The following PDS5B variants were observed in gnomAD, a reference collection of about 807,000 sequenced individuals.
PDS5B encodes the protein sister chromatid cohesion protein PDS5 homolog B.
A neutral mutation model predicts 184.1 loss-of-function variants in PDS5B; 51 were observed. The observed-to-expected ratio is 0.28, with a 90% CI of 0.22 to 0.35. The LOEUF (loss-of-function observed/expected upper bound fraction) is 0.35. PDS5B is among the 10% of genes least tolerant of loss of function. PDS5B has a pLI of 1.00. For synonymous variants in PDS5B, 566 were observed against 569.2 expected, an observed-to-expected ratio of 0.99 and a Z score of 0.08; for missense variants, 1,180 against 1,723.3, an observed-to-expected ratio of 0.68 and a Z score of 5.58.
Position 32,758,646 on chromosome 13 carries a change from C to A in PDS5B, c.3302C>A (p.Pro1101His), listed in dbSNP as rs757880615. Residue 1101 changes from proline to histidine, a missense_variant, in exon 28 of 35, where the codon CCT (proline) becomes CAT (histidine). Transcript: ENST00000315596. ...PVLPARFFTQ[P>H]DKNFSNTKNY... ...CTACCAGCTCGTTTCTTCACTCAAC[C>A]TGACAAGGTAGTTACTTTACAATTT... is the stretch of plus-strand genomic sequence containing the variant. 3 of 1,613,328 alleles carry A rather than the reference C, an allele frequency of 1.9e-6. No individual in the cohort carries two copies. The African/African-American group carries it at 4.0e-5, about 22-fold the overall frequency.
At chr13:32,722,201 C>G (rs1483416179) in intron 19 of PDS5B, among the ~76,000 whole-genome samples, 1 of 152,208 alleles carries the variant, frequency 6.6e-6, no homozygotes, top group African/African-American at 2.4e-5. Context: ...CCAAAAAATA[C>G]AAAAACCAGT....
intron 1 of PDS5B, among the ~76,000 whole-genome samples, chr13:32,635,001 CTTTT>C (rs4057820): frequency 1.2e-4 from 16 of 129,106 alleles, no homozygotes; most frequent in South Asian, 2.4e-4. Context: ...CTTACTGCCT[CTTTT>C]TTTTTTTTTT....
chr13:32,658,678 A>G (rs1950574619), intron 5 of PDS5B, 147 bp downstream of exon 5: 10 of 548,134 alleles, frequency 1.8e-5, no homozygotes, highest in Middle Eastern at 4.8e-4. Context: ...ATGTTTCAAA[A>G]ATGAATAGAG....
At chr13:32,618,937 C>T (rs1327049874) in intron 1 of PDS5B, among the ~76,000 whole-genome samples, 2 of 152,096 alleles carry the variant, frequency 1.3e-5, no homozygotes, top group Non-Finnish European at 2.9e-5. Context: ...ATGTGCAGAA[C>T]GAACTCTCAT....
At chr13:32,644,596 T>C (rs1405661051) in intron 1 of PDS5B, among the ~76,000 whole-genome samples, 1 of 152,162 alleles carries the variant, frequency 6.6e-6, no homozygotes, top group Non-Finnish European at 1.5e-5. Flanking sequence ...AAAAAAGTGA[T>C]GATAGTAGGT....
At chr13:32,741,699 C>CTCTGTGTGTGTG (rs371056675) in intron 22 of PDS5B, among the ~76,000 whole-genome samples, 12 of 139,276 alleles carry the variant, frequency 8.6e-5, no homozygotes, top group Admixed American at 7.2e-4. Context: ...CCCTTTCAGT[C>CTCTGTGTGTGTG]TGTGTGTGTG....
intron 30 of PDS5B, among the ~76,000 whole-genome samples, chr13:32,762,247 A>G (rs980742918): frequency 6.6e-6 from 1 of 152,210 alleles, no homozygotes; most frequent in Non-Finnish European, 1.5e-5. Context: ...AGCATTGTAT[A>G]GGGCTAAACT....
chr13:32,758,418 T>C (rs1954262564), intron 27 of PDS5B, 116 bp from the exon 28 acceptor site: 1 of 1,090,202 alleles, frequency 9.2e-7, no homozygotes, highest in African/African-American at 1.6e-5. Flanking sequence ...TTACACAGAC[T>C]GTTGCTTTCA....
At chr13:32,717,720 T>TA (rs1220035606) in intron 19 of PDS5B, among the ~76,000 whole-genome samples, 1,450 of 126,644 alleles carry the variant, frequency 0.011, 23 homozygotes, top group African/African-American at 0.027. Flanking sequence ...ATCAATAAAT[T>TA]AAAAAAAAAA....
chr13:32,731,170 T>G (rs114277630), intron 19 of PDS5B, among the ~76,000 whole-genome samples: 312 of 152,322 alleles, frequency 2.0e-3, no homozygotes, highest in African/African-American at 7.3e-3. Context: ...AGGAATATAT[T>G]TCTTTTAATG....
intron 1 of PDS5B, among the ~76,000 whole-genome samples, chr13:32,622,835 A>C (rs910980777): frequency 1.3e-5 from 2 of 152,204 alleles, no homozygotes; most frequent in African/African-American, 4.8e-5. Context: ...GGTGCCTGTT[A>C]CAACCCATTG....
chr13:32,736,831 T>C (rs554297628), intron 21 of PDS5B, among the ~76,000 whole-genome samples: 1 of 152,156 alleles, frequency 6.6e-6, no homozygotes, highest in Admixed American at 6.5e-5. Flanking sequence ...CATGCTTCAG[T>C]TTTTGTTTTT....
intron 18 of PDS5B, among the ~76,000 whole-genome samples, chr13:32,708,283 C>T (rs1219625848): frequency 6.6e-6 from 1 of 152,200 alleles, no homozygotes; most frequent in Non-Finnish European, 1.5e-5. Flanking sequence ...CTGGCTTGCC[C>T]TTGAATTCTT....
At chr13:32,637,512 A>G (rs115117035) in intron 1 of PDS5B, among the ~76,000 whole-genome samples, 310 of 152,278 alleles carry the variant, frequency 2.0e-3, no homozygotes, top group African/African-American at 7.3e-3. Flanking sequence ...TGTTAAGTAG[A>G]CAATTGTATG....
At chr13:32,593,799 A>G (rs145665930) in intron 1 of PDS5B, among the ~76,000 whole-genome samples, 1 of 152,268 alleles carries the variant, frequency 6.6e-6, no homozygotes, top group East Asian at 1.9e-4. Context: ...GAGAAGGAGG[A>G]AAAGGAAGGA....
At chr13:32,609,345 G>C (rs891629829) in intron 1 of PDS5B, among the ~76,000 whole-genome samples, 8 of 152,026 alleles carry the variant, frequency 5.3e-5, no homozygotes, top group Admixed American at 3.9e-4. Context: ...ATTATATACA[G>C]AGATTTTTTT....
intron 1 of PDS5B, among the ~76,000 whole-genome samples, chr13:32,622,508 A>G (rs757134322): frequency 1.3e-5 from 2 of 152,186 alleles, no homozygotes; most frequent in Non-Finnish European, 2.9e-5. Context: ...AAGACTGTGT[A>G]AGGGTACAAA....
At chr13:32,593,486 AC>A (rs2057807977) in intron 1 of PDS5B, among the ~76,000 whole-genome samples, 2 of 152,206 alleles carry the variant, frequency 1.3e-5, no homozygotes, top group African/African-American at 4.8e-5. Flanking sequence ...GATTACAGGC[AC>A]CTGCCACCAC....
chr13:32,733,613 C>G (rs756710872), intron 20 of PDS5B, among the ~76,000 whole-genome samples: 1 of 152,086 alleles, frequency 6.6e-6, no homozygotes, highest in Admixed American at 6.5e-5. Flanking sequence ...TTGTATTGGC[C>G]TTTCAAGCCT....
Sources: allele counts gnomAD v4.1 joint callset (sites outside exome capture counted in the v4.1 genomes callset), GRCh38; gene constraint gnomAD v4.1.1; transcripts MANE v1.5; gene names NCBI Gene and HGNC (gene_info 2026-07-23, HGNC 2026-07-21).